Variants in UNC5C observed in about 807,000 individuals in gnomAD.
UNC5C encodes the protein netrin receptor UNC5C.
A neutral mutation model predicts 99.8 loss-of-function variants in UNC5C; 47 were observed. The observed-to-expected ratio is 0.47, with a 90% confidence interval of 0.37 to 0.60. The LOEUF is 0.60. UNC5C is among the 20% of genes least tolerant of loss of function. The pLI, the probability that UNC5C is intolerant of heterozygous loss-of-function variation, is 0.00. For missense variants in UNC5C, 1,062 were observed against 1,165.9 expected, an observed-to-expected ratio of 0.91 and a Z score of 1.30; for synonymous variants, 487 against 452.2, an observed-to-expected ratio of 1.08 and a Z score of -0.98.
At chr4:95,267,162 T>C (rs79744829) in intron 4 of UNC5C, among the ~76,000 whole-genome samples, 5,624 of 152,250 alleles carry the variant, frequency 0.037, 358 homozygotes, top group African/African-American at 0.13. Flanking sequence ...AAGACAAATA[T>C]CTGGGGCAAA....
At chr4:95,358,543 T>C (rs1392706940) in intron 1 of UNC5C, among the ~76,000 whole-genome samples, 2 of 152,188 alleles carry the variant, frequency 1.3e-5, no homozygotes, top group Non-Finnish European at 2.9e-5. Flanking sequence ...GAAATCACAA[T>C]ACTTGACACC....
chr4:95,190,724 C>T lies in UNC5C; in HGVS notation c.2137-5528G>A, dbSNP rs565127269. Among the ~76,000 whole-genome samples, 8 of 152,240 alleles carry T rather than the reference C, an allele frequency of 5.3e-5. No homozygotes were observed. In the South Asian group the frequency reaches 1.0e-3, roughly 20 times the overall value. On this transcript the variant is annotated intron_variant, in intron 12 of 15. Coordinates refer to ENST00000453304, the MANE Select transcript of UNC5C (RefSeq NM_003728.4). ...TGTAGCCCATGCACATCTACACACG[C>T]GAACCATCAGTCACCAGAAGCAGGC... is the stretch of plus-strand genomic sequence containing the variant.
intron 1 of UNC5C, among the ~76,000 whole-genome samples, chr4:95,370,647 C>T (rs996094689): frequency 6.6e-6 from 1 of 152,176 alleles, no homozygotes; most frequent in African/African-American, 2.4e-5. Flanking sequence ...CTTTTGCTCA[C>T]TTATATTTGG....
At chr4:95,337,626 G>A (rs955072198) in intron 1 of UNC5C, among the ~76,000 whole-genome samples, 3 of 152,030 alleles carry the variant, frequency 2.0e-5, no homozygotes, top group Admixed American at 1.3e-4. Context: ...TTTAGAAAAT[G>A]TATGGGCAAA....
chr4:95,177,675 C>CAT (rs1481940897), intron 14 of UNC5C, among the ~76,000 whole-genome samples: 1 of 151,974 alleles, frequency 6.6e-6, no homozygotes, highest in Admixed American at 6.6e-5. Flanking sequence ...TCCTCAAATA[C>CAT]ATATATATAT....
intron 1 of UNC5C, among the ~76,000 whole-genome samples, chr4:95,543,300 T>G (rs1469221899): frequency 1.3e-5 from 2 of 152,156 alleles, no homozygotes; most frequent in South Asian, 4.1e-4. Context: ...TAAAATGCCC[T>G]ACAAATCTCT....
chr4:95,188,892 G>T (rs562504251), intron 12 of UNC5C, among the ~76,000 whole-genome samples: 4 of 152,248 alleles, frequency 2.6e-5, no homozygotes, highest in Admixed American at 6.5e-5. Context: ...TGGGGGTTGG[G>T]GGGTGACCTG....
intron 1 of UNC5C, among the ~76,000 whole-genome samples, chr4:95,472,918 AAT>A (rs1553977493): frequency 1.2e-4 from 19 of 152,044 alleles, no homozygotes; most frequent in African/African-American, 4.6e-4. Flanking sequence ...AAAAAAAAAA[AAT>A]GTGTTCCTGT....
intron 7 of UNC5C, chr4:95,222,311 A>G: frequency 8.4e-7 from 1 of 1,195,826 alleles, no homozygotes; most frequent in Non-Finnish European, 1.1e-6. Context: ...ACAAAATCAA[A>G]TTAATGAGGG....
chr4:95,288,599 A>T (rs1461635582), intron 3 of UNC5C, among the ~76,000 whole-genome samples: 2 of 152,246 alleles, frequency 1.3e-5, no homozygotes, highest in Non-Finnish European at 2.9e-5. Flanking sequence ...AATTGAAATC[A>T]GTTTCACTGA....
intron 7 of UNC5C, among the ~76,000 whole-genome samples, chr4:95,240,689 C>T (rs1390938167): frequency 6.6e-6 from 1 of 152,188 alleles, no homozygotes; most frequent in Non-Finnish European, 1.5e-5. Flanking sequence ...ATTCCTCTTC[C>T]CTGTCAATAG....
chr4:95,240,090 C>G (rs1266053012), intron 7 of UNC5C, among the ~76,000 whole-genome samples: 2 of 152,134 alleles, frequency 1.3e-5, no homozygotes, highest in Non-Finnish European at 2.9e-5. Flanking sequence ...CATTGAAGGA[C>G]TATTTATTAA....
At chr4:95,391,446 C>G (rs1207818279) in intron 1 of UNC5C, among the ~76,000 whole-genome samples, 1 of 152,110 alleles carries the variant, frequency 6.6e-6, no homozygotes, top group East Asian at 1.9e-4. Context: ...GTATATTATA[C>G]TGATTGTCAT....
chr4:95,223,969 A>G (rs2865384), intron 7 of UNC5C, among the ~76,000 whole-genome samples: 58,145 of 152,028 alleles, frequency 0.38, 11,764 homozygotes, highest in East Asian at 0.72. Flanking sequence ...TATGATGCTC[A>G]TCCTGAAACT....
At chr4:95,292,268 A>AG (rs1741502127) in intron 3 of UNC5C, among the ~76,000 whole-genome samples, 1 of 99,618 alleles carries the variant, frequency 1.0e-5, no homozygotes, top group Non-Finnish European at 2.1e-5. Context: ...TATATATATA[A>AG]ATTTTTTTTG....
At chr4:95,241,089 C>T (rs1220698856) in intron 7 of UNC5C, among the ~76,000 whole-genome samples, 1 of 151,910 alleles carries the variant, frequency 6.6e-6, no homozygotes, top group Admixed American at 6.6e-5. Context: ...AGGAAAAATA[C>T]TAAGTGATGA....
intron 1 of UNC5C, among the ~76,000 whole-genome samples, chr4:95,502,849 C>G (rs2149484844): frequency 6.6e-6 from 1 of 152,242 alleles, no homozygotes; most frequent in South Asian, 2.1e-4. Context: ...TTACCATAAT[C>G]TTTAAAATTT....
intron 4 of UNC5C, among the ~76,000 whole-genome samples, chr4:95,273,071 A>G (rs1740717671): frequency 6.6e-6 from 1 of 152,246 alleles, no homozygotes; most frequent in Non-Finnish European, 1.5e-5. Context: ...TTCCCTGTTT[A>G]TCACGACTAT....
intron 1 of UNC5C, among the ~76,000 whole-genome samples, chr4:95,436,033 T>C (rs561070795): frequency 1.3e-4 from 20 of 152,166 alleles, no homozygotes; most frequent in African/African-American, 3.4e-4. Flanking sequence ...ATTTATGTGA[T>C]TTTTATGAAG....
Sources: allele counts gnomAD v4.1 joint callset (sites outside exome capture counted in the v4.1 genomes callset), GRCh38; gene constraint gnomAD v4.1.1; transcripts MANE v1.5; gene names NCBI Gene and HGNC (gene_info 2026-07-23, HGNC 2026-07-21).